The following NLGN1 variants were observed in gnomAD, a reference collection of about 807,000 sequenced individuals.
The protein encoded by NLGN1 is neuroligin 1.
NLGN1 carries 12 observed loss-of-function variants against 65.5 expected under a neutral mutation model. The observed-to-expected ratio is 0.18, with a 90% CI of 0.12 to 0.30. NLGN1 has a LOEUF of 0.30. Ranked by LOEUF, NLGN1 falls within the 10% of genes least tolerant of loss-of-function variation. The pLI is 1.00. For missense variants in NLGN1, 750 were observed against 1,007.1 expected (o/e 0.74, Z 3.46); for synonymous variants, 350 against 359.5 (o/e 0.97, Z 0.30).
intron 3 of NLGN1, among the ~76,000 whole-genome samples, chr3:173,650,920 G>T: frequency 6.7e-6 from 1 of 149,468 alleles, no homozygotes. Context: ...CTCCTTGCCT[G>T]TTTATTTTTT....
Position 174,190,575 on chromosome 3 carries a change from T to C in NLGN1, c.647-84740T>C, listed in dbSNP as rs545208224. Among the ~76,000 whole-genome samples, 15 of 152,160 alleles carry C rather than the reference T, an allele frequency of 9.9e-5. No individual in the cohort carries two copies. The East Asian group carries it at 2.9e-3, about 29-fold the overall frequency. ...AAAAATTACTATATTAACATATGCA[T>C]GTATATTAAAATATTAGACTTATTG... On this transcript the variant is annotated intron_variant, in intron 4 of 6. Transcript: ENST00000457714.
intron 1 of NLGN1, among the ~76,000 whole-genome samples, chr3:173,434,085 C>A (rs1267993248): frequency 6.6e-6 from 1 of 152,034 alleles, no homozygotes; most frequent in Non-Finnish European, 1.5e-5. Context: ...ATTCTAGAAT[C>A]GACTTTAATC....
chr3:173,778,101 T>C (rs1325764745), intron 3 of NLGN1, among the ~76,000 whole-genome samples: 1 of 151,878 alleles, frequency 6.6e-6, no homozygotes, highest in Admixed American at 6.6e-5. Context: ...CCTGACAAAT[T>C]GACTGAGGTT....
chr3:174,073,651 TG>T (rs1740349316), intron 4 of NLGN1, among the ~76,000 whole-genome samples: 1 of 152,206 alleles, frequency 6.6e-6, no homozygotes, highest in Non-Finnish European at 1.5e-5. Context: ...TCTTCCCATT[TG>T]GTTGAAAGTA....
At chr3:174,169,197 A>G (rs938017269) in intron 4 of NLGN1, among the ~76,000 whole-genome samples, 1 of 152,106 alleles carries the variant, frequency 6.6e-6, no homozygotes, top group South Asian at 2.1e-4. Context: ...TGTAGCAGAG[A>G]GGGTACTCCT....
At chr3:173,939,992 A>G (rs1745732233) in intron 4 of NLGN1, among the ~76,000 whole-genome samples, 1 of 149,708 alleles carries the variant, frequency 6.7e-6, no homozygotes, top group Non-Finnish European at 1.5e-5. Context: ...ACTAAAACTT[A>G]TGTTTCAGGC....
chr3:174,066,271 T>C (rs1468512080), intron 4 of NLGN1, among the ~76,000 whole-genome samples: 1 of 152,084 alleles, frequency 6.6e-6, no homozygotes, highest in Non-Finnish European at 1.5e-5. Context: ...GAAGAGATAA[T>C]CTAATAACTA....
intron 4 of NLGN1, among the ~76,000 whole-genome samples, chr3:173,913,468 T>C (rs1740057049): frequency 6.6e-6 from 1 of 152,118 alleles, no homozygotes; most frequent in Admixed American, 6.6e-5. Flanking sequence ...TCTTTTTAAG[T>C]GGCAGTTGAG....
intron 2 of NLGN1, among the ~76,000 whole-genome samples, chr3:173,448,027 T>C (rs1720713893): frequency 6.6e-6 from 1 of 152,230 alleles, no homozygotes; most frequent in South Asian, 2.1e-4. Flanking sequence ...TTTTACTTCC[T>C]CTTGTCCTAA....
At chr3:173,672,933 G>A (rs1762644158) in intron 3 of NLGN1, among the ~76,000 whole-genome samples, 1 of 152,108 alleles carries the variant, frequency 6.6e-6, no homozygotes, top group Admixed American at 6.6e-5. Flanking sequence ...GTAGGTTTTT[G>A]CTGGTTTAAG....
At chr3:173,610,371 C>T (rs986808560) in intron 3 of NLGN1, among the ~76,000 whole-genome samples, 1 of 151,904 alleles carries the variant, frequency 6.6e-6, no homozygotes, top group Non-Finnish European at 1.5e-5. Flanking sequence ...GACCCTTAGA[C>T]ATTCAAGTCA....
At chr3:174,089,255 T>G (rs1209367566) in intron 4 of NLGN1, among the ~76,000 whole-genome samples, 1 of 152,208 alleles carries the variant, frequency 6.6e-6, no homozygotes, top group African/African-American at 2.4e-5. Flanking sequence ...TTCCCATAAA[T>G]AAACATATAA....
chr3:173,579,523 T>G (rs1274645782), intron 2 of NLGN1, among the ~76,000 whole-genome samples: 1 of 152,330 alleles, frequency 6.6e-6, no homozygotes, highest in South Asian at 2.1e-4. Context: ...GATCATCACT[T>G]CCTTAGTTTC....
chr3:173,684,341 T>G (rs1049958370), intron 3 of NLGN1, among the ~76,000 whole-genome samples: 1 of 152,162 alleles, frequency 6.6e-6, no homozygotes, highest in African/African-American at 2.4e-5. Flanking sequence ...CTACAGTGCC[T>G]TTTTACTTTG....
At chr3:173,709,544 G>A (rs111294187) in intron 3 of NLGN1, among the ~76,000 whole-genome samples, 8 of 152,240 alleles carry the variant, frequency 5.3e-5, no homozygotes, top group African/African-American at 1.9e-4. Context: ...GCTCACGCCT[G>A]TAATCCCAGC....
chr3:173,508,644 C>T (rs1732428124), intron 2 of NLGN1, among the ~76,000 whole-genome samples: 1 of 152,154 alleles, frequency 6.6e-6, no homozygotes, highest in Non-Finnish European at 1.5e-5. Context: ...CTTCCCTCTG[C>T]TCCTTTTTGG....
intron 4 of NLGN1, among the ~76,000 whole-genome samples, chr3:174,139,327 G>A (rs571997362): frequency 1.3e-5 from 2 of 152,060 alleles, no homozygotes; most frequent in South Asian, 4.2e-4. Context: ...CCGTAGTTTG[G>A]GGATTTTTCC....
intron 1 of NLGN1, among the ~76,000 whole-genome samples, chr3:173,426,887 T>C (rs1339008077): frequency 6.6e-6 from 1 of 152,086 alleles, no homozygotes; most frequent in Admixed American, 6.6e-5. Flanking sequence ...TTTGGATTAG[T>C]TTGAGGAAAA....
At chr3:173,450,443 A>G (rs1721277652) in intron 2 of NLGN1, among the ~76,000 whole-genome samples, 1 of 152,166 alleles carries the variant, frequency 6.6e-6, no homozygotes, top group Non-Finnish European at 1.5e-5. Context: ...TGTTAGTCTG[A>G]TGGGCTTCCC....
Sources: gnomAD v4.1 joint callset for allele counts (sites outside exome capture counted in the v4.1 genomes callset) on GRCh38, gnomAD v4.1.1 for gene constraint, MANE v1.5 for transcripts, NCBI Gene and HGNC (gene_info 2026-07-23, HGNC 2026-07-21) for gene names.